The following ARHGAP6 variants were observed in gnomAD, a reference collection of about 807,000 sequenced individuals.
ARHGAP6 encodes Rho GTPase activating protein 6.
Under a neutral mutation model 55.7 loss-of-function variants are expected in ARHGAP6, and 16 were observed. The observed-to-expected ratio is 0.29, with a 90% confidence interval of 0.19 to 0.44. The LOEUF (loss-of-function observed/expected upper bound fraction) is 0.44, where lower values mean the gene tolerates loss of function less well. ARHGAP6 is among the 20% of genes least tolerant of loss of function. The pLI is 1.00. For synonymous variants in ARHGAP6, 382 were observed against 360.9 expected (o/e 1.06, Z -0.66); for missense variants, 698 against 808.9 (o/e 0.86, Z 1.66).
chrX:11,655,457 A>T (rs1412404404), intron 1 of ARHGAP6, among the ~76,000 whole-genome samples: 1 of 111,846 alleles, frequency 8.9e-6, no homozygotes, highest in Non-Finnish European at 1.9e-5. Flanking sequence ...GAATTGCCAA[A>T]CTGTTTCCCA....
chrX:11,366,367 C>T (rs2049078541), intron 1 of ARHGAP6, among the ~76,000 whole-genome samples: 1 of 112,248 alleles, frequency 8.9e-6, no homozygotes, highest in Non-Finnish European at 1.9e-5. Context: ...TACATACATT[C>T]AGATTCCACC....
chrX:11,638,536 T>C (rs1487379306), intron 1 of ARHGAP6, among the ~76,000 whole-genome samples: 1 of 111,359 alleles, frequency 9.0e-6, no homozygotes, highest in Non-Finnish European at 1.9e-5. Flanking sequence ...AATCTCTACT[T>C]GTTTTCAGTT....
At chrX:11,228,950 C>A (rs905872367) in intron 2 of ARHGAP6, among the ~76,000 whole-genome samples, 4 of 112,014 alleles carry the variant, frequency 3.6e-5, no homozygotes, top group Non-Finnish European at 7.5e-5. Context: ...GTTGAATGAA[C>A]CCTAGACAGT....
chrX:11,590,869 G>GAAA lies in ARHGAP6; in HGVS notation c.588+73371_588+73372insTTT, dbSNP rs2051813205. Among the ~76,000 whole-genome samples, 7 of 24,216 alleles carry GAAA rather than the reference G, an allele frequency of 2.9e-4. 1 individual carries two copies. The highest frequency in any genetic ancestry group is 0.042 in the Middle Eastern group (2 of 48). The allele number at this position is 24,216 out of a possible 115,157, so 21.0% of individuals were successfully genotyped here. On this transcript the variant is annotated intron_variant, in intron 1 of 12. Transcript: ENST00000337414. ...AAGAAAAGAAAAGAAAAGAAAAGAA[G>GAAA]GAAAGAAAGAAAGAAAGAAAGAAAG...
intron 1 of ARHGAP6, among the ~76,000 whole-genome samples, chrX:11,474,061 G>C (rs1334894915): frequency 2.7e-5 from 3 of 111,079 alleles, no homozygotes. Context: ...TGTACCCTCT[G>C]GGCCCTGAAG....
intron 2 of ARHGAP6, among the ~76,000 whole-genome samples, chrX:11,246,247 G>A (rs978136623): frequency 1.8e-5 from 2 of 111,202 alleles, no homozygotes; most frequent in African/African-American, 6.6e-5. Flanking sequence ...TTTATGGAGA[G>A]TATATAAGAT....
chrX:11,413,557 C>T (rs1453753837), intron 1 of ARHGAP6, among the ~76,000 whole-genome samples: 1 of 111,835 alleles, frequency 8.9e-6, no homozygotes, highest in East Asian at 2.8e-4. Flanking sequence ...GAACAGGAGA[C>T]TGGTGTTTTT....
At chrX:11,501,845 A>T (rs2050682727) in intron 1 of ARHGAP6, among the ~76,000 whole-genome samples, 1 of 111,608 alleles carries the variant, frequency 9.0e-6, no homozygotes, top group Non-Finnish European at 1.9e-5. Context: ...GTAGAGAAGG[A>T]GCAGGAAGAG....
intron 1 of ARHGAP6, among the ~76,000 whole-genome samples, chrX:11,620,614 G>T (rs1164360229): frequency 1.8e-5 from 2 of 112,191 alleles, no homozygotes; most frequent in Non-Finnish European, 3.8e-5. Context: ...ACTGGATTTG[G>T]CACCCTTTCC....
rs1439284161 is a variant in ARHGAP6, at chrX:11,144,254, A to G, written c.1908-6T>C. The G allele has an allele frequency of 8.3e-7, 1 of 1,210,954 alleles. No individual in the cohort carries two copies. The highest frequency in any genetic ancestry group is 1.1e-6 in the Non-Finnish European group (1 of 895,395). ...ACTGCAGCATGTCAGGGCTTCTGGC[A>G]CAATGAGACAATTACAGGTGCGTGA... On this transcript the variant is annotated splice_polypyrimidine_tract_variant and splice_region_variant and intron_variant, in intron 10 of 12. Transcript: ENST00000337414.
At chrX:11,413,316 A>G (rs1388886367) in intron 1 of ARHGAP6, among the ~76,000 whole-genome samples, 1 of 112,520 alleles carries the variant, frequency 8.9e-6, no homozygotes, top group Non-Finnish European at 1.9e-5. Flanking sequence ...GAGCTCTAAG[A>G]CAAGACCTGC....
At chrX:11,164,638 G>A (rs1475434724) in intron 9 of ARHGAP6, among the ~76,000 whole-genome samples, 1 of 112,009 alleles carries the variant, frequency 8.9e-6, no homozygotes, top group Non-Finnish European at 1.9e-5. Context: ...CGTGCACTAA[G>A]CTGGTCCCCA....
chrX:11,309,893 G>A (rs112494222), intron 1 of ARHGAP6, among the ~76,000 whole-genome samples: 4 of 111,255 alleles, frequency 3.6e-5, no homozygotes, highest in Admixed American at 9.5e-5. Context: ...GGCTCATGCC[G>A]GTAATCCCAG....
chrX:11,611,179 A>C (rs1164589446), intron 1 of ARHGAP6, among the ~76,000 whole-genome samples: 1 of 112,642 alleles, frequency 8.9e-6, no homozygotes, highest in East Asian at 2.8e-4. Context: ...ATTAGTTTTA[A>C]TCAGATTGTT....
intron 1 of ARHGAP6, among the ~76,000 whole-genome samples, chrX:11,571,370 A>G (rs1376339553): frequency 1.8e-5 from 2 of 111,101 alleles, no homozygotes; most frequent in Non-Finnish European, 3.8e-5. Flanking sequence ...ACTCATGTGA[A>G]TTCAGGCAAT....
intron 1 of ARHGAP6, among the ~76,000 whole-genome samples, chrX:11,428,701 A>AGAGGAGAGGG (rs1254170963): frequency 8.9e-6 from 1 of 112,013 alleles, no homozygotes. Context: ...GCTCTGTGTA[A>AGAGGAGAGGG]GAGGAGAGGG....
intron 6 of ARHGAP6, 56 bp downstream of exon 6, chrX:11,182,007 A>C: frequency 2.0e-6 from 2 of 1,013,898 alleles, no homozygotes; most frequent in Non-Finnish European, 2.8e-6. Context: ...ACTTTGCAAA[A>C]GGTAATTCAA....
rs1192463316 is a variant in ARHGAP6 at position 11,144,036 on chromosome X, C to G, written c.2120G>C (p.Gly707Ala). ...YRVPGQFMLVGHLSSSKSRES... is the reference protein window; with the variant it reads ...YRVPGQFMLVAHLSSSKSRES... ...CCTTGACTTTGACGACGACAAGTGG[C>G]CCACCAGCATAAACTGCCCTGGCAC... Residue 707 changes from glycine (G) to alanine (A), a missense_variant, in exon 11 of 13, where the codon GGC becomes GCC. Transcript: ENST00000337414. 1.7e-6 allele frequency: 2 copies of G among 1,211,772 alleles called. No individual in the cohort carries two copies. The highest frequency in any genetic ancestry group is 4.3e-5 in the Admixed American group (2 of 46,050).
rs201146968 is a variant in ARHGAP6 at position 11,405,443 on chromosome X, A to G, written c.589-150736T>C. Among the ~76,000 whole-genome samples, 5 of 112,310 alleles carry G rather than the reference A, an allele frequency of 4.5e-5. No homozygotes were observed. The East Asian group carries it at 1.4e-3, about 31-fold the overall frequency. ...CATCTGGATCCCAATTCTACTTTTA[A>G]GGAGAATTTCTTTTTTCTTTCTTTT... On this transcript the variant is annotated intron_variant, in intron 1 of 12. Transcript: ENST00000337414.
Sources: allele counts gnomAD v4.1 joint callset (sites outside exome capture counted in the v4.1 genomes callset), GRCh38; gene constraint gnomAD v4.1.1; transcripts MANE v1.5; gene names NCBI Gene and HGNC (gene_info 2026-07-23, HGNC 2026-07-21).